Variants in PLXNC1 observed in about 807,000 individuals in gnomAD.
The protein encoded by PLXNC1 is plexin C1, also known as plexin-C1.
A neutral mutation model predicts 178.2 loss-of-function variants in PLXNC1; 75 were observed. That is an observed-to-expected ratio of 0.42 (90% CI 0.35 to 0.51). The LOEUF (loss-of-function observed/expected upper bound fraction) is 0.51, where lower values mean the gene tolerates loss of function less well. Among genes scored for constraint, PLXNC1 ranks in the 20% least tolerant of loss-of-function variants. PLXNC1 has a pLI of 0.02. For synonymous variants in PLXNC1, 790 were observed against 779.9 expected (o/e 1.01, Z -0.22); for missense variants, 1,503 against 1,984.4 (o/e 0.76, Z 4.61).
chr12:94,149,936 C>T lies in PLXNC1; in HGVS notation c.965C>T (p.Ser322Phe). 1 of 1,586,644 alleles carries T rather than the reference C, an allele frequency of 6.3e-7. No individual in the cohort carries two copies. The highest frequency in any genetic ancestry group is 1.1e-5 in the South Asian group (1 of 87,492). The part of the protein sequence containing the change: ...AAAGEGQERR[S>F]PTTTALCLFR... ...GCTGGAGAGGGCCAGGAGCGGCGCT[C>T]CCCCACCACCACGGCGCTCTGCCTC... The change falls in exon 1 of 31, where the codon TCC becomes TTC. Residue 322 changes from serine (S) to phenylalanine (F), a missense_variant. Around this residue, in one of 4 missense-constraint regions of PLXNC1, gnomAD observed 615 missense variants for 698.6 expected, o/e 0.88. Coordinates refer to ENST00000258526, the MANE Select transcript of PLXNC1 (RefSeq NM_005761.3).
chr12:94,224,365 T>G (rs756545495), intron 7 of PLXNC1, 50 bp downstream of exon 7: 1 of 1,050,734 alleles, frequency 9.5e-7, no homozygotes, highest in Admixed American at 1.7e-5. Flanking sequence ...CTTAATTTAC[T>G]TATTTGTTTG....
chr12:94,192,099 A>C (rs1413871090), intron 4 of PLXNC1, among the ~76,000 whole-genome samples: 4 of 152,226 alleles, frequency 2.6e-5, no homozygotes, highest in Non-Finnish European at 4.4e-5. Flanking sequence ...CCATAGAAAC[A>C]ATGTCATAAA....
At chr12:94,248,815 G>A (rs1964600876) in intron 14 of PLXNC1, among the ~76,000 whole-genome samples, 1 of 152,186 alleles carries the variant, frequency 6.6e-6, no homozygotes, top group South Asian at 2.1e-4. Context: ...CACACTCTGG[G>A]TAGCATTAGA....
intron 4 of PLXNC1, among the ~76,000 whole-genome samples, chr12:94,198,706 CT>C (rs1963012359): frequency 6.6e-6 from 1 of 152,164 alleles, no homozygotes; most frequent in African/African-American, 2.4e-5. Context: ...CCTCTCCCAG[CT>C]CCGGGTGACT....
chr12:94,254,410 A>G, intron 15 of PLXNC1: 1 of 414,358 alleles, frequency 2.4e-6, no homozygotes, highest in Non-Finnish European at 4.8e-6. Context: ...ACAAACATTC[A>G]AAAACAATGG....
intron 21 of PLXNC1, among the ~76,000 whole-genome samples, chr12:94,268,108 T>C (rs959301662): frequency 6.6e-6 from 1 of 152,076 alleles, no homozygotes; most frequent in African/African-American, 2.4e-5. Context: ...AGGGACACGT[T>C]TGGAAAAAAG....
At chr12:94,173,404 A>T (rs1258254079) in intron 2 of PLXNC1, among the ~76,000 whole-genome samples, 1 of 152,232 alleles carries the variant, frequency 6.6e-6, no homozygotes, top group African/African-American at 2.4e-5. Context: ...TTGTAACTTT[A>T]TGCATGCCCA....
intron 21 of PLXNC1, among the ~76,000 whole-genome samples, chr12:94,271,897 A>G (rs1965593766): frequency 6.6e-6 from 1 of 152,136 alleles, no homozygotes; most frequent in South Asian, 2.1e-4. Context: ...TCATCATGAA[A>G]AGCATTTCTT....
chr12:94,270,430 G>C (rs1029226574), intron 21 of PLXNC1, among the ~76,000 whole-genome samples: 2 of 152,170 alleles, frequency 1.3e-5, no homozygotes, highest in East Asian at 3.9e-4. Flanking sequence ...TTAATCTAGA[G>C]CTTGACATAG....
intron 21 of PLXNC1, among the ~76,000 whole-genome samples, chr12:94,276,152 A>G (rs1019347802): frequency 1.3e-5 from 2 of 152,232 alleles, no homozygotes; most frequent in Admixed American, 6.5e-5. Context: ...AGGTAGTAAT[A>G]GAATGCTGTT....
intron 3 of PLXNC1, among the ~76,000 whole-genome samples, chr12:94,183,722 T>C (rs1962409565): frequency 6.6e-6 from 1 of 152,214 alleles, no homozygotes; most frequent in Admixed American, 6.5e-5. Context: ...CTGGGAACCA[T>C]TATGAAAAGC....
chr12:94,275,392 C>T (rs991953781), intron 21 of PLXNC1, among the ~76,000 whole-genome samples: 3 of 152,316 alleles, frequency 2.0e-5, no homozygotes, highest in East Asian at 1.9e-4. Flanking sequence ...GTGTCTCCCC[C>T]GATGGGGTAC....
intron 20 of PLXNC1, among the ~76,000 whole-genome samples, chr12:94,264,655 A>T (rs531042706): frequency 2.6e-5 from 4 of 152,346 alleles, no homozygotes; most frequent in African/African-American, 7.2e-5. Context: ...GTTACTAAGG[A>T]TACTTGTGCA....
In PLXNC1 at chr12:94,305,572, G is replaced by T. The variant is rs143964312; in HGVS notation, c.*287G>T. 354 of 325,692 alleles carry T rather than the reference G, an allele frequency of 1.1e-3. 5 individuals are homozygous for T. In the East Asian group the frequency reaches 0.019, roughly 18 times the overall value. The allele number at this position is 325,692 out of a possible 1,614,324, so 20.2% of individuals were successfully genotyped here. A position where few individuals can be genotyped will look rare whatever the true frequency, so the allele number is the denominator to read the frequency against. On this transcript the variant is annotated 3_prime_UTR_variant, in exon 31 of 31. Coordinates refer to ENST00000258526, the MANE Select transcript of PLXNC1 (RefSeq NM_005761.3). Reference sequence around the variant, plus strand: ...AGGCCAGTAAGCGAATGTCAGTATTGTAACTACAGTCTCCACTTAAGCACA... The same window carrying T: ...AGGCCAGTAAGCGAATGTCAGTATTTTAACTACAGTCTCCACTTAAGCACA...
At chr12:94,184,730 A>G (rs1268132563) in intron 3 of PLXNC1, among the ~76,000 whole-genome samples, 4 of 150,730 alleles carry the variant, frequency 2.7e-5, no homozygotes, top group Admixed American at 1.3e-4. Flanking sequence ...TCCCTCTTAT[A>G]CAGAGTTATA....
rs1963753194 is a variant in PLXNC1, at chr12:94,220,128, G to T, written c.1667G>T (p.Cys556Phe). 1 of 1,613,934 alleles carries T rather than the reference G, an allele frequency of 6.2e-7. No homozygotes were observed. Residue 556 changes from cysteine to phenylalanine, a missense_variant, in exon 6 of 31, where the codon TGC (cysteine) becomes TTC (phenylalanine). Cys to Phe is a radical substitution (Grantham distance 205, BLOSUM62 -2). Coordinates refer to ENST00000258526, the MANE Select transcript of PLXNC1 (RefSeq NM_005761.3). ...AATAAAAGTCAGCCCAACCGGACCT[G>T]CACCTGTAGCATCCCAACCAGAGCA... ...CQNKSQPNRT[C>F]TCSIPTRATY...
At chr12:94,281,347 A>C (rs1966425261) in intron 22 of PLXNC1, among the ~76,000 whole-genome samples, 1 of 152,198 alleles carries the variant, frequency 6.6e-6, no homozygotes, top group African/African-American at 2.4e-5. Context: ...TGGAGCTCTT[A>C]CAGCAGAGAC....
chr12:94,206,829 A>G (rs762233533), intron 4 of PLXNC1, among the ~76,000 whole-genome samples: 17 of 152,212 alleles, frequency 1.1e-4, no homozygotes, highest in Non-Finnish European at 2.2e-4. Flanking sequence ...CCTATCTGAG[A>G]GTGCATCACT....
intron 1 of PLXNC1, among the ~76,000 whole-genome samples, chr12:94,166,180 TTG>T (rs778426964): frequency 6.6e-6 from 1 of 152,072 alleles, no homozygotes; most frequent in Non-Finnish European, 1.5e-5. Flanking sequence ...TGGCAGTAAC[TTG>T]TGTTTTTAAA....
Sources: gnomAD v4.1 joint callset for allele counts (sites outside exome capture counted in the v4.1 genomes callset) on GRCh38, gnomAD v4.1.1 for gene constraint, gnomAD v4.1.1 regional missense constraint, MANE v1.5 for transcripts, NCBI Gene and HGNC (gene_info 2026-07-23, HGNC 2026-07-21) for gene names.